Variants in MPPED1 observed in about 807,000 individuals in gnomAD.
The protein encoded by MPPED1 is metallophosphoesterase domain containing 1.
In MPPED1, 16 loss-of-function variants were observed where a neutral mutation model predicts 36.2. That is an observed-to-expected ratio of 0.44 (90% CI 0.30 to 0.67). The LOEUF (loss-of-function observed/expected upper bound fraction) is 0.67. MPPED1 is among the 30% of genes least tolerant of loss of function. The pLI is 0.10. For synonymous variants in MPPED1, 199 were observed against 191.3 expected (o/e 1.04, Z -0.33); for missense variants, 307 against 453.4 (o/e 0.68, Z 2.93).
chr22:43,447,045 G>A (rs1337657635), intron 3 of MPPED1, among the ~76,000 whole-genome samples: 3 of 152,160 alleles, frequency 2.0e-5, no homozygotes, highest in Non-Finnish European at 4.4e-5. Context: ...ACTTTCCTGT[G>A]TAATGGAGGG....
At chr22:43,413,045 C>T (rs575170676) in intron 1 of MPPED1, among the ~76,000 whole-genome samples, 29 of 152,346 alleles carry the variant, frequency 1.9e-4, no homozygotes, top group African/African-American at 6.7e-4. Context: ...AGGCTCCACT[C>T]CGGAACTGGC....
chr22:43,428,052 G>A (rs530204355), intron 2 of MPPED1, among the ~76,000 whole-genome samples: 7 of 152,312 alleles, frequency 4.6e-5, no homozygotes. Context: ...GCCTGGTGAG[G>A]TGCTTGGGAC....
chr22:43,449,443 A>G (rs1259928380), intron 3 of MPPED1, among the ~76,000 whole-genome samples: 1 of 9,210 alleles, frequency 1.1e-4, no homozygotes, highest in Admixed American at 1.6e-3. Context: ...CCCCCCTCCA[A>G]GTAGGCTCTC....
chr22:43,500,113 TGAA>T (rs1569091548), intron 5 of MPPED1, among the ~76,000 whole-genome samples: 152 of 102,450 alleles, frequency 1.5e-3, no homozygotes, highest in Non-Finnish European at 2.1e-3. Context: ...GTGGGGGTGA[TGAA>T]GGTGGTGATG....
rs1569067196 is a variant in MPPED1 at position 43,432,538 on chromosome 22, GGAGAGAAAGAAAGGGAGGA to G, written c.225-2489_225-2471del. ...GAAAGGGAGGAGAGAGATAAAGGGAGGAGAGAAAGAAAGGGAGGAGAGAGAGAGAAAGGGAGGAGAGAGA... is the reference window on the plus strand; with the variant it reads ...GAAAGGGAGGAGAGAGATAAAGGGAGGAGAGAGAGAAAGGGAGGAGAGAGA... On this transcript the variant is annotated intron_variant, in intron 2 of 6. Transcript: ENST00000443721. Among the ~76,000 whole-genome samples the G allele has an allele frequency of 4.4e-4, 41 of 93,592 alleles. 1 individual carries two copies. Among genetic ancestry groups the G allele is most frequent in the East Asian group, 1.2e-3 (2 of 1,676 alleles). The allele number at this position is 93,592 out of a possible 152,430, so 61.4% of individuals were successfully genotyped here.
intron 3 of MPPED1, among the ~76,000 whole-genome samples, chr22:43,473,538 A>G (rs1266175763): frequency 6.6e-6 from 1 of 152,102 alleles, no homozygotes; most frequent in African/African-American, 2.4e-5. Flanking sequence ...GGGCCAGGAG[A>G]AAGGCTTGGG....
At chr22:43,413,426 G>A (rs527805594) in intron 1 of MPPED1, among the ~76,000 whole-genome samples, 2 of 152,204 alleles carry the variant, frequency 1.3e-5, no homozygotes, top group African/African-American at 2.4e-5. Flanking sequence ...ACCTGGCACA[G>A]GGCGATGTTG....
chr22:43,470,244 C>G (rs748585430), intron 3 of MPPED1, among the ~76,000 whole-genome samples: 6 of 150,056 alleles, frequency 4.0e-5, no homozygotes, highest in Non-Finnish European at 7.4e-5. Flanking sequence ...ATCCATCCGT[C>G]TACAAAGCAT....
chr22:43,487,857 G>A (rs1931960236), intron 4 of MPPED1, among the ~76,000 whole-genome samples: 1 of 152,286 alleles, frequency 6.6e-6, no homozygotes, highest in East Asian at 1.9e-4. Flanking sequence ...GATGAACTGA[G>A]CTACTAGACG....
rs1271462389 is a variant in MPPED1 at position 43,498,270 on chromosome 22, C to T, written c.668C>T (p.Pro223Leu). The part of the protein sequence containing the change: ...PWFYGWGFNL[P>L]RGQALLEKWN... ...TTCTACGGCTGGGGCTTCAACCTCC[C>T]GCGAGGCCAAGCCCTGCTGGAGAAA... Residue 223 changes from proline (P) to leucine (L), a missense_variant, in exon 5 of 7, where the codon CCG (proline) becomes CTG (leucine). By Grantham distance (98) the Pro-to-Leu change is moderately conservative (BLOSUM62 -3). Transcript: ENST00000443721. The T allele has an allele frequency of 7.8e-6, 12 of 1,535,184 alleles. No individual in the cohort carries two copies. Among genetic ancestry groups the T allele is most frequent in the East Asian group, 2.4e-5 (1 of 40,898 alleles).
At chr22:43,460,852 C>T (rs77250992) in intron 3 of MPPED1, among the ~76,000 whole-genome samples, 2,342 of 152,248 alleles carry the variant, frequency 0.015, 65 homozygotes, top group African/African-American at 0.054. Flanking sequence ...CCTAGGCACA[C>T]GCACAGCCCT....
At chr22:43,456,392 G>A (rs926633837) in intron 3 of MPPED1, among the ~76,000 whole-genome samples, 7 of 152,230 alleles carry the variant, frequency 4.6e-5, no homozygotes, top group Non-Finnish European at 8.8e-5. Flanking sequence ...CTCCCAAATA[G>A]CTGGGACTGC....
intron 3 of MPPED1, among the ~76,000 whole-genome samples, chr22:43,459,057 G>C (rs906263531): frequency 6.6e-6 from 1 of 151,982 alleles, no homozygotes; most frequent in East Asian, 1.9e-4. Flanking sequence ...TTTTGCTATT[G>C]TTTCCTTTTC....
intron 3 of MPPED1, among the ~76,000 whole-genome samples, chr22:43,451,798 A>C (rs994713273): frequency 2.6e-5 from 4 of 151,932 alleles, no homozygotes; most frequent in Non-Finnish European, 5.9e-5. Context: ...TCTGGCGGGG[A>C]CCCCATGGTC....
At chr22:43,500,239 A>G (rs1247093012) in intron 5 of MPPED1, among the ~76,000 whole-genome samples, 32 of 73,134 alleles carry the variant, frequency 4.4e-4, no homozygotes, top group Admixed American at 6.8e-4. Flanking sequence ...GTGGTGATGG[A>G]GGTGGCAGTG....
chr22:43,434,490 G>A (rs899147063), intron 2 of MPPED1, among the ~76,000 whole-genome samples: 1 of 152,154 alleles, frequency 6.6e-6, no homozygotes, highest in Non-Finnish European at 1.5e-5. Flanking sequence ...GGGCCATAGC[G>A]CCCCTAAAGG....
chr22:43,463,903 TTTCTTTTCTTTC>T (rs1379483703), intron 3 of MPPED1, among the ~76,000 whole-genome samples: 3 of 150,176 alleles, frequency 2.0e-5, no homozygotes, highest in Non-Finnish European at 4.4e-5. Context: ...CTTTCTTTCT[TTTCTTTTCTTTC>T]TTCTTTTCTT....
chr22:43,472,958 G>C (rs1418400061), intron 3 of MPPED1, among the ~76,000 whole-genome samples: 1 of 133,878 alleles, frequency 7.5e-6, no homozygotes, highest in Non-Finnish European at 1.8e-5. Context: ...TCACGTAAGG[G>C]CTGGGGAGGC....
At chr22:43,469,859 C>T (rs1931306347) in intron 3 of MPPED1, among the ~76,000 whole-genome samples, 1 of 152,056 alleles carries the variant, frequency 6.6e-6, no homozygotes, top group African/African-American at 2.4e-5. Flanking sequence ...ATCCACCCAC[C>T]CATGTATGCA....
Sources: allele counts gnomAD v4.1 joint callset (sites outside exome capture counted in the v4.1 genomes callset), GRCh38; gene constraint gnomAD v4.1.1; transcripts MANE v1.5; gene names NCBI Gene and HGNC (gene_info 2026-07-23, HGNC 2026-07-21).